VAV2: variants seen among roughly 807,000 people sequenced by gnomAD.
The protein encoded by VAV2 is vav guanine nucleotide exchange factor 2.
A neutral mutation model predicts 132.5 loss-of-function variants in VAV2; 67 were observed. The ratio of observed to expected loss-of-function variants is 0.51; its 90% CI spans 0.42 to 0.62. VAV2 has a LOEUF of 0.62. VAV2 is among the 20% of genes least tolerant of loss of function. VAV2 has a pLI of 0.00. For synonymous variants in VAV2, 492 were observed against 443.5 expected, an observed-to-expected ratio of 1.11 and a Z score of -1.37; for missense variants, 938 against 1,153.6, an observed-to-expected ratio of 0.81 and a Z score of 2.71.
rs1445722947 is a variant in VAV2 at position 133,928,195 on chromosome 9, A to AT, written c.321+10907dup. 1.3e-5 allele frequency among the ~76,000 whole-genome samples: 2 copies of AT among 150,558 alleles called. No homozygotes were observed. The highest frequency in any genetic ancestry group is 3.0e-5 in the Non-Finnish European group (2 of 67,674). ...CGTGTGTGTGTGTGTGTGTGCGTGC[A>AT]TGTGTGTATGTCTGTGTGTGTGCGT... On this transcript the variant is annotated intron_variant, in intron 2 of 29. Transcript: ENST00000371850. This position sits in a 1 kb window ranked among gnomAD's most constrained non-coding sequence, Gnocchi z 5.4.
intron 2 of VAV2, among the ~76,000 whole-genome samples, chr9:133,881,737 T>C (rs1193674603): frequency 6.6e-6 from 1 of 152,250 alleles, no homozygotes; most frequent in Non-Finnish European, 1.5e-5. Context: ...ATATTCTATA[T>C]TTTCAGCCCA....
chr9:133,905,901 G>A (rs377173705), intron 2 of VAV2, among the ~76,000 whole-genome samples: 4 of 152,088 alleles, frequency 2.6e-5, no homozygotes, highest in African/African-American at 7.2e-5. Flanking sequence ...TTAGCCGGGC[G>A]TGGTGGTACA....
chr9:133,904,169 G>A (rs1255031796), intron 2 of VAV2, among the ~76,000 whole-genome samples: 8 of 152,242 alleles, frequency 5.3e-5, no homozygotes, highest in Admixed American at 4.6e-4. Flanking sequence ...CTGGTGGGCC[G>A]GCTCCAGCCC....
chr9:133,770,185 G>A (rs1050534248), intron 27 of VAV2, among the ~76,000 whole-genome samples, 193 bp downstream of exon 27: 5 of 152,230 alleles, frequency 3.3e-5, no homozygotes, highest in African/African-American at 9.6e-5. Flanking sequence ...CAGGTGCAGA[G>A]TCCCCGCCTG....
intron 1 of VAV2, among the ~76,000 whole-genome samples, chr9:133,940,263 C>A (rs970451102): frequency 6.6e-6 from 1 of 152,148 alleles, no homozygotes; most frequent in South Asian, 2.1e-4. Context: ...CAGCTCAGCA[C>A]GGGGATTCGC....
At chr9:133,891,194 C>T (rs2519771) in intron 2 of VAV2, among the ~76,000 whole-genome samples, 105,347 of 146,364 alleles carry the variant, frequency 0.72, 40,109 homozygotes, top group Middle Eastern at 0.88. Context: ...GCACTCACGC[C>T]ACCCTCAGGA....
chr9:133,767,183 A>G (rs1833465986), intron 29 of VAV2, among the ~76,000 whole-genome samples: 1 of 152,220 alleles, frequency 6.6e-6, no homozygotes. Flanking sequence ...ATTAAAAGCC[A>G]AAGACTGTCA....
At chr9:133,887,148 T>C (rs1838744677) in intron 2 of VAV2, among the ~76,000 whole-genome samples, 1 of 152,010 alleles carries the variant, frequency 6.6e-6, no homozygotes, top group African/African-American at 2.4e-5. Context: ...CAGGGTGAGG[T>C]AGGGGCCATC....
intron 1 of VAV2, among the ~76,000 whole-genome samples, chr9:133,964,915 A>C (rs755899442): frequency 9.9e-5 from 15 of 152,210 alleles, no homozygotes; most frequent in Non-Finnish European, 1.3e-4. Context: ...CTGGAACAAA[A>C]TAAGGGTGCC....
intron 2 of VAV2, among the ~76,000 whole-genome samples, chr9:133,876,101 C>T (rs993687950): frequency 6.6e-6 from 1 of 152,232 alleles, no homozygotes; most frequent in African/African-American, 2.4e-5. Context: ...CGGATCAGGA[C>T]TGGAGCTGCA....
chr9:133,893,832 C>T (rs1181521959), intron 2 of VAV2, among the ~76,000 whole-genome samples: 1 of 152,020 alleles, frequency 6.6e-6, no homozygotes, highest in East Asian at 1.9e-4. Context: ...AAACCCACCG[C>T]ACCTGACCCA....
rs1181645627 is a variant in VAV2, at chr9:133,820,558, C to CTCG, written c.450-8345_450-8343dup. Reference sequence around the variant, plus strand: ...GCCAGGATGGTCTCAATCTCCTGACCTCGTGATCCGCCCGCCTCGGCCTCC... The same window carrying CTCG: ...GCCAGGATGGTCTCAATCTCCTGACCTCGTCGTGATCCGCCCGCCTCGGCCTCC... On this transcript the variant is annotated intron_variant, in intron 4 of 29. Transcript: ENST00000371850. 2.0e-5 allele frequency among the ~76,000 whole-genome samples: 3 copies of CTCG among 152,298 alleles called. No homozygotes were observed. The East Asian group carries it at 5.8e-4, about 29-fold the overall frequency.
intron 14 of VAV2, 95 bp downstream of exon 14, chr9:133,789,163 G>C: frequency 7.5e-7 from 1 of 1,327,228 alleles, no homozygotes; most frequent in Non-Finnish European, 1.1e-6. Flanking sequence ...CCACAGGAAG[G>C]CCTGGCTTCC....
intron 1 of VAV2, among the ~76,000 whole-genome samples, chr9:133,966,904 G>A (rs763626348): frequency 6.6e-6 from 1 of 151,258 alleles, no homozygotes; most frequent in Non-Finnish European, 1.5e-5. Flanking sequence ...GCTTGGTGGC[G>A]GGCGCCTGCA....
In VAV2 at chr9:133,898,035, C is replaced by T. The variant is rs546951141; in HGVS notation, c.322-36603G>A. On this transcript the variant is annotated intron_variant, in intron 2 of 29. Coordinates refer to ENST00000371850, the MANE Select transcript of VAV2 (RefSeq NM_001134398.2). ...AGGGACACTCTGCCCAGACAGACCA[C>T]GCAAAGCCTCCTACCAGGGAAGGCC... 8.5e-5 allele frequency among the ~76,000 whole-genome samples: 13 copies of T among 152,222 alleles called. No homozygotes were observed. The East Asian group carries it at 2.5e-3, about 29-fold the overall frequency.
intron 25 of VAV2, among the ~76,000 whole-genome samples, chr9:133,772,952 G>GGCA (rs1833685143): frequency 7.9e-5 from 5 of 63,030 alleles, no homozygotes; most frequent in Non-Finnish European, 2.0e-4. Flanking sequence ...GCTGAATGAT[G>GGCA]GAGCCTACTG....
rs1450417435 is a variant in VAV2 at position 133,901,481 on chromosome 9, G to A, written c.321+37622C>T. Among the ~76,000 whole-genome samples the A allele has an allele frequency of 3.9e-5, 6 of 152,354 alleles. No individual in the cohort carries two copies. In the South Asian group the frequency reaches 6.2e-4, roughly 16 times the overall value. On this transcript the variant is annotated intron_variant, in intron 2 of 29. Coordinates refer to ENST00000371850, the MANE Select transcript of VAV2 (RefSeq NM_001134398.2). ...GTGGCTCTGACCAGGGGAGCCTGTC[G>A]GGAGAGCCATGGCACCACCTCGAGC...
rs1838655605 is a variant in VAV2 at position 133,885,241 on chromosome 9, A to G, written c.322-23809T>C. Among the ~76,000 whole-genome samples the G allele has an allele frequency of 6.6e-6, 1 of 152,214 alleles. No individual in the cohort carries two copies. Among genetic ancestry groups the G allele is most frequent in the African/African-American group, 2.4e-5 (1 of 41,466 alleles). On this transcript the variant is annotated intron_variant, in intron 2 of 29. Coordinates refer to ENST00000371850, the MANE Select transcript of VAV2 (RefSeq NM_001134398.2). This position sits in a 1 kb window ranked among gnomAD's most constrained non-coding sequence, Gnocchi z 5.0. ...AACCAAGGGCGGCCCAGGGAAGGGC[A>G]TGTATGCAGCCCCCGCGGCTGTCTA...
At chr9:133,979,476 C>T (rs1404963775) in intron 1 of VAV2, among the ~76,000 whole-genome samples, 1 of 152,210 alleles carries the variant, frequency 6.6e-6, no homozygotes, top group Non-Finnish European at 1.5e-5. Flanking sequence ...GACGGCTCGG[C>T]TCCCAGGGCA....
Sources: gnomAD v4.1 joint callset for allele counts (sites outside exome capture counted in the v4.1 genomes callset) on GRCh38, gnomAD v4.1.1 for gene constraint, Gnocchi (gnomAD v3.1) non-coding constraint, MANE v1.5 for transcripts, NCBI Gene and HGNC (gene_info 2026-07-23, HGNC 2026-07-21) for gene names.